The following PDE4B variants were observed in gnomAD, a reference collection of about 807,000 sequenced individuals.
PDE4B encodes the protein phosphodiesterase 4B.
Under a neutral mutation model 82.2 loss-of-function variants are expected in PDE4B, and 20 were observed. The ratio of observed to expected loss-of-function variants is 0.24; its 90% CI spans 0.17 to 0.35. PDE4B has a LOEUF of 0.35. PDE4B is among the 10% of genes least tolerant of loss of function. The pLI is 1.00. For synonymous variants in PDE4B, 320 were observed against 318.9 expected, an observed-to-expected ratio of 1.00 and a Z score of -0.04; for missense variants, 655 against 907.2, an observed-to-expected ratio of 0.72 and a Z score of 3.57.
At chr1:66,132,041 T>TA (rs2101114367) in intron 3 of PDE4B, among the ~76,000 whole-genome samples, 1 of 152,218 alleles carries the variant, frequency 6.6e-6, no homozygotes, top group Non-Finnish European at 1.5e-5. Flanking sequence ...GATGAGGCTT[T>TA]AGGGTTAGGT....
At chr1:66,007,847 G>C (rs185626384) in intron 3 of PDE4B, among the ~76,000 whole-genome samples, 22 of 152,252 alleles carry the variant, frequency 1.4e-4, no homozygotes, top group Non-Finnish European at 2.2e-4. Flanking sequence ...AGAAAGTTGA[G>C]ACTCAGGAAG....
At chr1:66,242,563 G>A (rs1016220792) in intron 3 of PDE4B, among the ~76,000 whole-genome samples, 3 of 152,192 alleles carry the variant, frequency 2.0e-5, no homozygotes, top group Non-Finnish European at 4.4e-5. Context: ...TGCTTCATGA[G>A]TCTTTGTTAC....
intron 7 of PDE4B, among the ~76,000 whole-genome samples, chr1:66,328,036 G>A (rs945366739): frequency 3.3e-5 from 5 of 152,174 alleles, no homozygotes; most frequent in African/African-American, 1.2e-4. Context: ...TCCTACTTCC[G>A]TATCTATCAC....
chr1:65,995,656 C>T (rs947479279), intron 3 of PDE4B, among the ~76,000 whole-genome samples: 3 of 152,156 alleles, frequency 2.0e-5, no homozygotes, highest in African/African-American at 7.2e-5. Flanking sequence ...GAAATAAGAG[C>T]ATAAGTACTT....
intron 3 of PDE4B, among the ~76,000 whole-genome samples, chr1:66,091,720 T>A (rs1016736711): frequency 1.3e-5 from 2 of 152,112 alleles, no homozygotes; most frequent in Admixed American, 1.3e-4. Context: ...GCCTGTTTTT[T>A]ACTAATAAAG....
intron 3 of PDE4B, among the ~76,000 whole-genome samples, chr1:65,960,366 T>A (rs577505258): frequency 6.6e-6 from 1 of 152,172 alleles, no homozygotes; most frequent in Middle Eastern, 3.2e-3. Context: ...GCATTCTATA[T>A]TAACTTTTGA....
At chr1:65,939,205 A>G (rs1021838593) in intron 3 of PDE4B, among the ~76,000 whole-genome samples, 1 of 152,166 alleles carries the variant, frequency 6.6e-6, no homozygotes, top group Non-Finnish European at 1.5e-5. Flanking sequence ...AGAAAACTCC[A>G]CAGATGCAGC....
At chr1:66,044,034 TG>T (rs1210400023) in intron 3 of PDE4B, among the ~76,000 whole-genome samples, 2 of 4,418 alleles carry the variant, frequency 4.5e-4, no homozygotes, top group Non-Finnish European at 1.4e-3. Context: ...TTATACTAAA[TG>T]TATTATACTA....
chr1:66,203,702 C>G (rs1315467704), intron 3 of PDE4B, among the ~76,000 whole-genome samples: 1 of 152,132 alleles, frequency 6.6e-6, no homozygotes, highest in Non-Finnish European at 1.5e-5. Flanking sequence ...GCTCCATCAG[C>G]TCCTTTAAGC....
intron 3 of PDE4B, among the ~76,000 whole-genome samples, chr1:66,162,947 G>A (rs1307196030): frequency 1.3e-5 from 2 of 152,110 alleles, no homozygotes; most frequent in Admixed American, 6.6e-5. Flanking sequence ...TTACTTGAAG[G>A]CAAATAGTTC....
At chr1:66,311,535 A>G (rs1658666890) in intron 7 of PDE4B, among the ~76,000 whole-genome samples, 1 of 152,230 alleles carries the variant, frequency 6.6e-6, no homozygotes, top group African/African-American at 2.4e-5. Flanking sequence ...GGGAGGTTAG[A>G]ATCCACAACC....
At chr1:66,007,702 AGGT>A (rs766284715) in intron 3 of PDE4B, among the ~76,000 whole-genome samples, 27 of 152,306 alleles carry the variant, frequency 1.8e-4, no homozygotes, top group Non-Finnish European at 3.1e-4. Flanking sequence ...TGATGTGAGC[AGGT>A]AGGAAATATC....
At chr1:65,951,067 A>C (rs1263619961) in intron 3 of PDE4B, among the ~76,000 whole-genome samples, 1 of 152,116 alleles carries the variant, frequency 6.6e-6, no homozygotes, top group Non-Finnish European at 1.5e-5. Flanking sequence ...ACCGTCACGC[A>C]AATAGCATCT....
At chr1:65,949,966 C>T (rs533429213) in intron 3 of PDE4B, among the ~76,000 whole-genome samples, 7 of 152,146 alleles carry the variant, frequency 4.6e-5, no homozygotes, top group Admixed American at 1.3e-4. Context: ...GACTGAGATC[C>T]AGCTTTCTCT....
rs1449256980 is a variant in PDE4B at position 66,105,961 on chromosome 1, C to A, written c.282-141499C>A. 3.4e-3 allele frequency among the ~76,000 whole-genome samples: 517 copies of A among 151,996 alleles called. 5 individuals are homozygous for A. Among genetic ancestry groups the A allele is most frequent in the Admixed American group, 0.013 (198 of 15,220 alleles). ...TCTCCTGCCTAATTGCCCTGGCCAG[C>A]ACTTCCAACACTATGTTGAATAGGA... On this transcript the variant is annotated intron_variant, in intron 3 of 16. Coordinates refer to ENST00000341517, the MANE Select transcript of PDE4B (RefSeq NM_002600.4).
intron 3 of PDE4B, among the ~76,000 whole-genome samples, chr1:66,160,586 C>G (rs773952257): frequency 1.3e-5 from 2 of 152,144 alleles, no homozygotes; most frequent in Non-Finnish European, 2.9e-5. Context: ...TCGCACTCAG[C>G]AGATAGTTAA....
chr1:66,289,818 T>G (rs1656943005), intron 7 of PDE4B, among the ~76,000 whole-genome samples: 1 of 152,040 alleles, frequency 6.6e-6, no homozygotes, highest in African/African-American at 2.4e-5. Flanking sequence ...CAAGAGGTGA[T>G]GCTTGCCTAA....
chr1:66,277,137 T>C (rs1193508830), intron 7 of PDE4B, among the ~76,000 whole-genome samples: 1 of 151,916 alleles, frequency 6.6e-6, no homozygotes, highest in African/African-American at 2.4e-5. Context: ...GTAGCTGGGG[T>C]AGATCGAGGG....
chr1:66,069,538 G>C (rs942618854), intron 3 of PDE4B, among the ~76,000 whole-genome samples: 10 of 151,766 alleles, frequency 6.6e-5, no homozygotes, highest in African/African-American at 1.9e-4. Flanking sequence ...TAGATTTATG[G>C]CTCTGATTAT....
Sources: gnomAD v4.1 joint callset for allele counts (sites outside exome capture counted in the v4.1 genomes callset) on GRCh38, gnomAD v4.1.1 for gene constraint, MANE v1.5 for transcripts, NCBI Gene and HGNC (gene_info 2026-07-23, HGNC 2026-07-21) for gene names.